Variants in ACSS2 observed in about 807,000 individuals in gnomAD.
ACSS2 encodes acyl-CoA synthetase short chain family member 2, also known as acetyl-coenzyme A synthetase, cytoplasmic.
ACSS2 carries 58 observed loss-of-function variants against 90.6 expected under a neutral mutation model. The ratio of observed to expected loss-of-function variants is 0.64; its 90% CI spans 0.52 to 0.80. ACSS2 has a LOEUF of 0.80. ACSS2 is among the 30% of genes least tolerant of loss of function. The pLI is 0.00. For missense variants in ACSS2, 759 were observed against 912.0 expected, an observed-to-expected ratio of 0.83 and a Z score of 2.16; for synonymous variants, 300 against 330.9, an observed-to-expected ratio of 0.91 and a Z score of 1.01.
chr20:34,877,148 G>A (rs2079935597), intron 1 of ACSS2, among the ~76,000 whole-genome samples: 1 of 152,054 alleles, frequency 6.6e-6, no homozygotes, highest in Non-Finnish European at 1.5e-5. Context: ...AAAGTTTCAT[G>A]GGAAGAGAAG....
intron 2 of ACSS2, among the ~76,000 whole-genome samples, chr20:34,903,870 CAAAAA>C (rs11474981): frequency 2.1e-5 from 2 of 93,486 alleles, no homozygotes; most frequent in Non-Finnish European, 4.5e-5. Flanking sequence ...GACATTGTCT[CAAAAA>C]AAAAAAAAAA....
At chr20:34,910,410 A>G (rs747502494) in intron 2 of ACSS2, among the ~76,000 whole-genome samples, 20 of 152,174 alleles carry the variant, frequency 1.3e-4, no homozygotes, top group Non-Finnish European at 2.1e-4. Context: ...GCACTTTGAG[A>G]GGCTGAAGCA....
In ACSS2 at chr20:34,927,088, G is replaced by A. The variant is rs2081336968; in HGVS notation, c.1980G>A (p.Gly660=). ...NAPGLPKTRS[G]KIMRRVLRKI... is the part of the protein sequence containing the mutation. ...AACTAGAGGTCTGTGGTTCCCCAGG[G>A]AAAATCATGAGGCGAGTGCTTCGGA... Residue 660 remains glycine (G), a splice_region_variant and synonymous_variant, in exon 18 of 18, where the codon GGG becomes GGA. Transcript: ENST00000360596. This position sits in a 1 kb window ranked among gnomAD's most constrained non-coding sequence, Gnocchi z 4.2. The A allele has an allele frequency of 1.2e-6, 2 of 1,614,088 alleles. No individual in the cohort carries two copies. Among genetic ancestry groups the A allele is most frequent in the African/African-American group, 1.3e-5 (1 of 75,004 alleles).
At chr20:34,902,507 G>A (rs1473645778) in intron 2 of ACSS2, among the ~76,000 whole-genome samples, 1 of 152,012 alleles carries the variant, frequency 6.6e-6, no homozygotes, top group Non-Finnish European at 1.5e-5. Flanking sequence ...GGGAAAGATA[G>A]TTAAAGAATA....
Position 34,926,963 on chromosome 20 carries a change from G to A in ACSS2, c.1978+12G>A. 1 of 1,614,174 alleles carries A rather than the reference G, an allele frequency of 6.2e-7. No homozygotes were observed. The highest frequency in any genetic ancestry group is 1.3e-5 in the African/African-American group (1 of 75,016). On this transcript the variant is annotated intron_variant, in intron 17 of 17. Transcript: ENST00000360596. ...TAAAACCCGCTCAGGTATGTTCAGA[G>A]GCCTCCATGGATTGGGATGGGCTGA...
intron 2 of ACSS2, among the ~76,000 whole-genome samples, chr20:34,900,943 T>C (rs982652819): frequency 3.9e-5 from 6 of 152,238 alleles, no homozygotes; most frequent in Admixed American, 2.6e-4. Flanking sequence ...GAGAAGGCCC[T>C]GAACTAGACA....
chr20:34,892,681 A>G (rs552710267), intron 2 of ACSS2, among the ~76,000 whole-genome samples: 1 of 152,220 alleles, frequency 6.6e-6, no homozygotes, highest in East Asian at 1.9e-4. Flanking sequence ...TGCTTGGCAA[A>G]AAGTGTATTA....
chr20:34,922,920 A>G (rs2081234321), intron 13 of ACSS2: 1 of 164,950 alleles, frequency 6.1e-6, no homozygotes, highest in African/African-American at 2.4e-5. Flanking sequence ...GTGTGTGGGC[A>G]CCACTGTTTT....
chr20:34,876,330 T>G, upstream of ACSS2: 5 of 214,206 alleles, frequency 2.3e-5, no homozygotes, highest in Non-Finnish European at 3.5e-5. Context: ...CACTCCACGG[T>G]TCCACCCTCT....
intron 3 of ACSS2, 93 bp downstream of exon 3, chr20:34,913,280 AT>A (rs2081003900): frequency 6.4e-7 from 1 of 1,556,160 alleles, no homozygotes; most frequent in African/African-American, 1.4e-5. Flanking sequence ...GATGGAAAGA[AT>A]TTGGTAACAG....
At chr20:34,897,466 G>A (rs897630312) in intron 2 of ACSS2, among the ~76,000 whole-genome samples, 1 of 152,074 alleles carries the variant, frequency 6.6e-6, no homozygotes, top group African/African-American at 2.4e-5. Flanking sequence ...CATATAACAC[G>A]TGGCCCTTTG....
At position 34,921,407 on chromosome 20, in the gene ACSS2, G is replaced by A. The variant is rs753153922; in HGVS notation, c.1355G>A (p.Arg452Gln). The change falls in exon 11 of 18, where the codon CGG (arginine) becomes CAG (glutamine). Residue 452 changes from arginine to glutamine, a missense_variant. By Grantham distance (43) the Arg-to-Gln change is conservative (BLOSUM62 1). Coordinates refer to ENST00000360596, the MANE Select transcript of ACSS2 (RefSeq NM_018677.4). ...INPEAWLWYH[R>Q]VVGAQRCPIV... is the part of the protein sequence containing the mutation. ...CCTGAGGCCTGGCTATGGTACCACC[G>A]GGTGGTAGGTGCCCAGCGCTGCCCC... is the stretch of plus-strand genomic sequence containing the variant. 1.3e-5 allele frequency: 21 copies of A among 1,614,084 alleles called. No individual in the cohort carries two copies. Among genetic ancestry groups the A allele is most frequent in the African/African-American group, 9.3e-5 (7 of 74,936 alleles).
intron 2 of ACSS2, among the ~76,000 whole-genome samples, chr20:34,891,352 C>G (rs1247636618): frequency 6.6e-6 from 1 of 152,170 alleles, no homozygotes; most frequent in Non-Finnish European, 1.5e-5. Flanking sequence ...TTCCAGAATT[C>G]TATGACTGTT....
chr20:34,880,505 C>T (rs1471553968), intron 1 of ACSS2, among the ~76,000 whole-genome samples: 2 of 151,846 alleles, frequency 1.3e-5, no homozygotes, highest in Non-Finnish European at 2.9e-5. Flanking sequence ...GATCATGCTA[C>T]TGCACTCCAG....
At chr20:34,926,735 A>T in intron 16 of ACSS2, 142 bp from the exon 17 acceptor site, 1 of 740,056 alleles carries the variant, frequency 1.4e-6, no homozygotes, top group Non-Finnish European at 2.3e-6. Flanking sequence ...GTTGAGAGCA[A>T]GAGAAGCAGT....
chr20:34,902,704 ATTG>A lies in ACSS2; in HGVS notation c.375-10386_375-10384del, dbSNP rs1334976016. On this transcript the variant is annotated intron_variant, in intron 2 of 17. Transcript: ENST00000360596. ...TATGATCTGATTTGTGGTTTGTTTT[ATTG>A]TTGTTTAATTAATTAATTAATTAAT... Among the ~76,000 whole-genome samples the A allele has an allele frequency of 7.2e-5, 11 of 151,822 alleles. No individual in the cohort carries two copies. In the South Asian group the frequency reaches 1.5e-3, roughly 20 times the overall value.
intron 2 of ACSS2, among the ~76,000 whole-genome samples, chr20:34,906,420 A>ACCAGCCAGGGGCC (rs1247368028): frequency 6.6e-6 from 1 of 151,752 alleles, no homozygotes; most frequent in Non-Finnish European, 1.5e-5. Context: ...ACCTTTCCCA[A>ACCAGCCAGGGGCC]CCAGCCAGGG....
chr20:34,927,106 G>A lies in ACSS2; in HGVS notation c.1998G>A (p.Val666=), dbSNP rs59349371. ...CCCCAGGGAAAATCATGAGGCGAGT[G>A]CTTCGGAAGATTGCTCAGAATGACC... ...KTRSGKIMRR[V]LRKIAQNDHD... The change falls in exon 18 of 18, where the codon GTG becomes GTA. Residue 666 remains valine, a synonymous_variant. Coordinates refer to ENST00000360596, the MANE Select transcript of ACSS2 (RefSeq NM_018677.4). This position sits in a 1 kb window ranked among gnomAD's most constrained non-coding sequence, Gnocchi z 4.2. 6 of 1,614,156 alleles carry A rather than the reference G, an allele frequency of 3.7e-6. No homozygotes were observed. The highest frequency in any genetic ancestry group is 5.1e-6 in the Non-Finnish European group (6 of 1,180,026).
rs766834295 is a variant in ACSS2 at position 34,913,187 on chromosome 20, G to C, written c.466G>C (p.Gly156Arg). 2 of 1,614,094 alleles carry C rather than the reference G, an allele frequency of 1.2e-6. No homozygotes were observed. Among genetic ancestry groups the C allele is most frequent in the South Asian group, 2.2e-5 (2 of 91,070 alleles). The change falls in exon 3 of 18, where the codon GGC becomes CGC. Residue 156 changes from glycine to arginine, a missense_variant and splice_region_variant. Physicochemically the swap from Gly to Arg is moderately radical, Grantham distance 125. Coordinates refer to ENST00000360596, the MANE Select transcript of ACSS2 (RefSeq NM_018677.4). The part of the protein sequence containing the change: ...CQFSNVLRKQ[G>R]IQKGDRVAIY... ...GTTCAGCAATGTTCTCCGAAAACAG[G>C]GTGAGTGTGGGGGTGTGGGAAAGGA...
Sources: gnomAD v4.1 joint callset for allele counts (sites outside exome capture counted in the v4.1 genomes callset) on GRCh38, gnomAD v4.1.1 for gene constraint, Gnocchi (gnomAD v3.1) non-coding constraint, MANE v1.5 for transcripts, NCBI Gene and HGNC (gene_info 2026-07-23, HGNC 2026-07-21) for gene names.